The following CCSER1 variants were observed in gnomAD, a reference collection of about 807,000 sequenced individuals.
CCSER1 encodes the protein serine-rich coiled-coil domain-containing protein 1.
In CCSER1, 41 loss-of-function variants were observed where a neutral mutation model predicts 82.0. That is an observed-to-expected ratio of 0.50 (90% CI 0.39 to 0.65). The LOEUF (loss-of-function observed/expected upper bound fraction) is 0.65. CCSER1 is among the 30% of genes least tolerant of loss of function. The pLI is 0.00. For synonymous variants in CCSER1, 414 were observed against 383.9 expected, an observed-to-expected ratio of 1.08 and a Z score of -0.92; for missense variants, 1,119 against 1,064.2, an observed-to-expected ratio of 1.05 and a Z score of -0.72.
At chr4:90,968,938 A>G (rs191466285) in intron 9 of CCSER1, among the ~76,000 whole-genome samples, 1 of 151,978 alleles carries the variant, frequency 6.6e-6, no homozygotes, top group Non-Finnish European at 1.5e-5. Context: ...AAGAAAAACA[A>G]TATATGAACA....
At chr4:90,863,329 A>T (rs541537960) in intron 8 of CCSER1, among the ~76,000 whole-genome samples, 1 of 151,922 alleles carries the variant, frequency 6.6e-6, no homozygotes, top group East Asian at 1.9e-4. Context: ...TTCTTTTGAG[A>T]TATAGAGTAG....
chr4:90,636,942 T>G (rs796486962), intron 6 of CCSER1, among the ~76,000 whole-genome samples: 18 of 152,274 alleles, frequency 1.2e-4, no homozygotes, highest in African/African-American at 4.3e-4. Flanking sequence ...TACAAAAAAG[T>G]TAATAATAAA....
At chr4:91,181,812 T>C (rs1365465892) in intron 10 of CCSER1, among the ~76,000 whole-genome samples, 1 of 152,226 alleles carries the variant, frequency 6.6e-6, no homozygotes. Flanking sequence ...TTGAGGGCGA[T>C]ATGCCTCAAT....
At chr4:91,479,525 A>AAAGGT (rs1278485896) in intron 10 of CCSER1, among the ~76,000 whole-genome samples, 1 of 151,708 alleles carries the variant, frequency 6.6e-6, no homozygotes, top group African/African-American at 2.4e-5. Context: ...TAAAATAATG[A>AAAGGT]AAGGTAAATC....
rs1469387734 is a variant in CCSER1 at position 91,605,263 on chromosome 4, T to C, written c.*6206T>C. The C allele has an allele frequency of 6.6e-6, 1 of 152,088 alleles. No homozygotes were observed. The highest frequency in any genetic ancestry group is 2.4e-5 in the African/African-American group (1 of 41,446). 9.4% of individuals were successfully genotyped at this position (152,088 alleles called of 1,614,324 possible). ...CATGGTGATTAGAAAAATATGCATA[T>C]TTCCTGCTCATAATAAATTTTAAAA... On this transcript the variant is annotated 3_prime_UTR_variant, in exon 11 of 11. Coordinates refer to ENST00000509176, the MANE Select transcript of CCSER1 (RefSeq NM_001145065.2).
intron 9 of CCSER1, among the ~76,000 whole-genome samples, chr4:90,988,558 T>G (rs1474606253): frequency 1.3e-5 from 2 of 151,696 alleles, no homozygotes; most frequent in Non-Finnish European, 2.9e-5. Context: ...TGTTTTTATC[T>G]GATAAGATAA....
At chr4:90,384,503 AT>A (rs1476180197) in intron 3 of CCSER1, among the ~76,000 whole-genome samples, 1 of 151,542 alleles carries the variant, frequency 6.6e-6, no homozygotes, top group Non-Finnish European at 1.5e-5. Flanking sequence ...CATTTAGAAA[AT>A]TTTTTCTTGC....
At chr4:90,770,766 GTC>G (rs1475422958) in intron 7 of CCSER1, among the ~76,000 whole-genome samples, 12 of 151,666 alleles carry the variant, frequency 7.9e-5, no homozygotes, top group African/African-American at 2.9e-4. Flanking sequence ...TTTGTTTTCT[GTC>G]TCACACATGT....
chr4:90,879,474 A>G (rs906295898), intron 8 of CCSER1, among the ~76,000 whole-genome samples: 1 of 141,402 alleles, frequency 7.1e-6, no homozygotes, highest in Non-Finnish European at 1.5e-5. Context: ...AAGTATAATA[A>G]TAATAATAAA....
At chr4:91,410,384 T>G (rs1578390137) in intron 10 of CCSER1, among the ~76,000 whole-genome samples, 2 of 152,308 alleles carry the variant, frequency 1.3e-5, no homozygotes, top group East Asian at 3.9e-4. Flanking sequence ...AGAATGTAAT[T>G]TACTCACATC....
intron 10 of CCSER1, among the ~76,000 whole-genome samples, chr4:91,130,925 T>A (rs1727935219): frequency 6.6e-6 from 1 of 151,736 alleles, no homozygotes; most frequent in Non-Finnish European, 1.5e-5. Flanking sequence ...CATTACTACA[T>A]CTAAAACTTT....
At chr4:91,056,414 C>A (rs905416935) in intron 9 of CCSER1, among the ~76,000 whole-genome samples, 1 of 152,136 alleles carries the variant, frequency 6.6e-6, no homozygotes, top group Non-Finnish European at 1.5e-5. Flanking sequence ...GCACCTTGAA[C>A]GCTGTGTCTT....
chr4:91,576,975 T>A (rs1763480713), intron 10 of CCSER1, among the ~76,000 whole-genome samples: 3 of 133,184 alleles, frequency 2.3e-5, no homozygotes, highest in Admixed American at 7.8e-5. Flanking sequence ...GTATACCTCA[T>A]ATATATTTAA....
intron 10 of CCSER1, among the ~76,000 whole-genome samples, chr4:91,395,221 G>A (rs188696705): frequency 6.6e-6 from 1 of 151,978 alleles, no homozygotes; most frequent in African/African-American, 2.4e-5. Context: ...AACTGTGCTG[G>A]TCAGTTACAG....
chr4:91,458,266 C>T (rs952784864), intron 10 of CCSER1, among the ~76,000 whole-genome samples: 1 of 152,116 alleles, frequency 6.6e-6, no homozygotes, highest in African/African-American at 2.4e-5. Context: ...TCCCCAATGT[C>T]CTTTCCCCCC....
At chr4:90,537,506 T>C (rs564540078) in intron 5 of CCSER1, among the ~76,000 whole-genome samples, 1 of 152,302 alleles carries the variant, frequency 6.6e-6, no homozygotes, top group South Asian at 2.1e-4. Context: ...TTTTTCCACT[T>C]TTGTTTGTAA....
At chr4:90,616,728 CACACACACACAAATAAAATA>C (rs751580229) in intron 5 of CCSER1, among the ~76,000 whole-genome samples, 1,373 of 95,548 alleles carry the variant, frequency 0.014, 13 homozygotes, top group Middle Eastern at 0.023. Flanking sequence ...CACACACACA[CACACACACACAAATAAAATA>C]AAATAAAAGG....
At chr4:91,126,295 G>A (rs1727510745) in intron 10 of CCSER1, among the ~76,000 whole-genome samples, 1 of 151,786 alleles carries the variant, frequency 6.6e-6, no homozygotes, top group Non-Finnish European at 1.5e-5. Context: ...AAATTTAGAA[G>A]AGGAAACACA....
At chr4:90,415,353 C>G (rs1288163672) in intron 4 of CCSER1, among the ~76,000 whole-genome samples, 1 of 152,120 alleles carries the variant, frequency 6.6e-6, no homozygotes, top group Non-Finnish European at 1.5e-5. Flanking sequence ...GTGGCAAAAG[C>G]TTGGAGCCTT....
Sources: allele counts gnomAD v4.1 joint callset (sites outside exome capture counted in the v4.1 genomes callset), GRCh38; gene constraint gnomAD v4.1.1; transcripts MANE v1.5; gene names NCBI Gene and HGNC (gene_info 2026-07-23, HGNC 2026-07-21).